The following SPAG9 variants were observed in gnomAD, a reference collection of about 807,000 sequenced individuals.
SPAG9 encodes C-Jun-amino-terminal kinase-interacting protein 4.
Under a neutral mutation model 166.5 loss-of-function variants are expected in SPAG9, and 35 were observed. The ratio of observed to expected loss-of-function variants is 0.21; its 90% CI spans 0.16 to 0.28. SPAG9 has a LOEUF of 0.28. Among genes scored for constraint, SPAG9 ranks in the 10% least tolerant of loss-of-function variants. The pLI, the probability that SPAG9 is intolerant of heterozygous loss-of-function variation, is 1.00. For missense variants in SPAG9, 1,235 were observed against 1,603.3 expected, an observed-to-expected ratio of 0.77 and a Z score of 3.92; for synonymous variants, 534 against 565.5, an observed-to-expected ratio of 0.94 and a Z score of 0.79.
intron 1 of SPAG9, among the ~76,000 whole-genome samples, chr17:51,108,386 CA>C (rs71355710): frequency 0.24 from 28,584 of 119,124 alleles, 2,664 homozygotes; most frequent in Middle Eastern, 0.28. Context: ...AAGACTGTCT[CA>C]AAAAAAAAAA....
rs2044964252 is a variant in SPAG9 at position 51,001,823 on chromosome 17, C to T, written c.1499G>A (p.Arg500Lys). 1.2e-6 allele frequency: 2 copies of T among 1,613,440 alleles called. No individual in the cohort carries two copies. The highest frequency in any genetic ancestry group is 1.7e-6 in the Non-Finnish European group (2 of 1,179,648). The change falls in exon 13 of 30, where the codon AGG (arginine) becomes AAG (lysine). Residue 500 changes from arginine (R) to lysine (K), a missense_variant. Transcript: ENST00000262013. ...DDDSDIPTAQRKRFTRVEMAR... is the reference protein window; with the variant it reads ...DDDSDIPTAQKKRFTRVEMAR... Reference sequence around the variant, plus strand: ...CATTTCTACTCTAGTAAACCGTTTCCTCTGGGCTGTGGGAATATCACTCTA... The same window carrying T: ...CATTTCTACTCTAGTAAACCGTTTCTTCTGGGCTGTGGGAATATCACTCTA...
intron 1 of SPAG9, among the ~76,000 whole-genome samples, chr17:51,100,638 T>C (rs1338539118): frequency 6.6e-6 from 1 of 150,916 alleles, no homozygotes; most frequent in African/African-American, 2.4e-5. Context: ...CAAAAAAAAA[T>C]GGCCAGGTGC....
chr17:50,975,050 CAG>C, intron 27 of SPAG9, 103 bp from the exon 28 acceptor site: 1 of 1,103,526 alleles, frequency 9.1e-7, no homozygotes, highest in Non-Finnish European at 1.3e-6. Context: ...AAGCTACAGC[CAG>C]TTGAGATAAA....
At chr17:51,053,854 A>AAAAAAT (rs1491529465) in intron 3 of SPAG9, among the ~76,000 whole-genome samples, 1 of 34,446 alleles carries the variant, frequency 2.9e-5, no homozygotes, top group African/African-American at 1.6e-4. Flanking sequence ...AAAAAAAAAA[A>AAAAAAT]GTATATATAT....
intron 6 of SPAG9, among the ~76,000 whole-genome samples, chr17:51,022,528 AT>A (rs2045979603): frequency 6.6e-6 from 1 of 152,142 alleles, no homozygotes; most frequent in Non-Finnish European, 1.5e-5. Context: ...CTCCAAAATA[AT>A]TATAAACAAT....
At chr17:51,080,485 CG>C (rs2048130306) in intron 1 of SPAG9, among the ~76,000 whole-genome samples, 1 of 152,078 alleles carries the variant, frequency 6.6e-6, no homozygotes, top group African/African-American at 2.4e-5. Context: ...GCGTTAAGTA[CG>C]AACTATATGC....
chr17:51,059,636 C>A (rs1261230874), intron 2 of SPAG9, among the ~76,000 whole-genome samples: 1 of 151,930 alleles, frequency 6.6e-6, no homozygotes, highest in African/African-American at 2.4e-5. Flanking sequence ...CCTATAATTC[C>A]AGCTACTTGG....
At chr17:51,086,861 G>A (rs1302519182) in intron 1 of SPAG9, among the ~76,000 whole-genome samples, 1 of 152,212 alleles carries the variant, frequency 6.6e-6, no homozygotes. Flanking sequence ...GGCAGAAGTT[G>A]TAGTGAGCTG....
At chr17:51,095,926 G>GAT (rs564785941) in intron 1 of SPAG9, among the ~76,000 whole-genome samples, 2 of 126,700 alleles carry the variant, frequency 1.6e-5, no homozygotes, top group Non-Finnish European at 3.3e-5. Flanking sequence ...TATATATAGT[G>GAT]ATATATATAG....
intron 9 of SPAG9, chr17:51,009,262 G>A (rs2045359604): frequency 2.5e-6 from 1 of 392,356 alleles, no homozygotes. Context: ...TTGACAAGAT[G>A]TAGAGAAACC....
chr17:51,007,287 G>A lies in SPAG9; in HGVS notation c.1253C>T (p.Thr418Ile). 6.3e-7 allele frequency: 1 copy of A among 1,577,330 alleles called. No individual in the cohort carries two copies. The highest frequency in any genetic ancestry group is 8.6e-7 in the Non-Finnish European group (1 of 1,157,092). Residue 418 changes from threonine (T) to isoleucine (I), a missense_variant, in exon 10 of 30, where the codon ACA (threonine) becomes ATA (isoleucine). Around this residue, in one of 6 missense-constraint regions of SPAG9, gnomAD observed 125 missense variants for 194.0 expected, o/e 0.64. Transcript: ENST00000262013. ...TACTTACTTGGTTTCCAACAGTTGTGTATTTTCTAATATAAGATTCTCAAC... is the reference window on the plus strand; with the variant it reads ...TACTTACTTGGTTTCCAACAGTTGTATATTTTCTAATATAAGATTCTCAAC... ...REVENLILEN[T>I]QLLETKNALN...
intron 22 of SPAG9, 25 bp downstream of exon 22, chr17:50,987,087 T>C (rs769422286): frequency 3.2e-6 from 5 of 1,585,986 alleles, no homozygotes; most frequent in Non-Finnish European, 4.3e-6. Flanking sequence ...CAACATATTC[T>C]AATGTTAAAA....
intron 9 of SPAG9, among the ~76,000 whole-genome samples, chr17:51,010,489 T>C (rs552830829): frequency 5.9e-5 from 9 of 151,588 alleles, no homozygotes; most frequent in Non-Finnish European, 5.9e-5. Context: ...TGGGAATACA[T>C]TTCAGGGAAA....
intron 21 of SPAG9, 161 bp downstream of exon 21, chr17:50,989,516 T>C (rs1975359516): frequency 2.9e-6 from 2 of 701,228 alleles, no homozygotes; most frequent in Admixed American, 2.1e-5. Flanking sequence ...CCAGCGAGAA[T>C]GATGGAGCGG....
intron 21 of SPAG9, among the ~76,000 whole-genome samples, chr17:50,987,728 T>C (rs1975165941): frequency 6.6e-6 from 1 of 152,204 alleles, no homozygotes; most frequent in Admixed American, 6.5e-5. Flanking sequence ...TCATAGTTTC[T>C]TCTCAAGTGA....
At chr17:50,975,451 C>T in intron 27 of SPAG9, 1 of 205,292 alleles carries the variant, frequency 4.9e-6, no homozygotes, top group Non-Finnish European at 9.7e-6. Context: ...AATAGAGCAG[C>T]TTTTATTGAT....
chr17:51,063,087 T>C (rs1017323660), intron 2 of SPAG9, among the ~76,000 whole-genome samples: 5 of 152,192 alleles, frequency 3.3e-5, no homozygotes, highest in African/African-American at 1.2e-4. Flanking sequence ...TATTTTAAGA[T>C]ATTTTCAACT....
At chr17:51,058,316 G>C (rs1463001231) in intron 2 of SPAG9, among the ~76,000 whole-genome samples, 1 of 152,124 alleles carries the variant, frequency 6.6e-6, no homozygotes, top group African/African-American at 2.4e-5. Flanking sequence ...CCTAAGAACT[G>C]CATATAAACT....
chr17:50,989,497 G>A (rs1975357779), intron 21 of SPAG9, 180 bp downstream of exon 21: 2 of 663,598 alleles, frequency 3.0e-6, no homozygotes. Context: ...AAGAAATGGG[G>A]GGGAATATCC....
Sources: allele counts gnomAD v4.1 joint callset (sites outside exome capture counted in the v4.1 genomes callset), GRCh38; gene constraint gnomAD v4.1.1; regional missense constraint gnomAD v4.1.1; transcripts MANE v1.5; gene names NCBI Gene and HGNC (gene_info 2026-07-23, HGNC 2026-07-21).